DUOX1: variants seen among roughly 807,000 people sequenced by gnomAD.
DUOX1 encodes the protein dual oxidase 1.
Under a neutral mutation model 181.8 loss-of-function variants are expected in DUOX1, and 134 were observed. That is an observed-to-expected ratio of 0.74 (90% CI 0.64 to 0.85). DUOX1 has a LOEUF of 0.85. Among genes scored for constraint, DUOX1 ranks in the 40% least tolerant of loss-of-function variants. The pLI, the probability that DUOX1 is intolerant of heterozygous loss-of-function variation, is 0.00. For synonymous variants in DUOX1, 798 were observed against 832.5 expected, an observed-to-expected ratio of 0.96 and a Z score of 0.71; for missense variants, 1,814 against 2,064.4, an observed-to-expected ratio of 0.88 and a Z score of 2.35.
In DUOX1 at chr15:45,143,322, A is replaced by C. The variant is rs1021717176; in HGVS notation, c.1936+19A>C. 6.2e-7 allele frequency: 1 copy of C among 1,605,962 alleles called. No individual in the cohort carries two copies. The highest frequency in any genetic ancestry group is 1.3e-5 in the African/African-American group (1 of 74,904). ...ATGGAAGGTAGGTCTAGGGCTGGCC[A>C]GGGTGGTGGTAGGGAGGACATGGCT... is the stretch of plus-strand genomic sequence containing the variant. On this transcript the variant is annotated intron_variant, in intron 16 of 33. Transcript: ENST00000389037.
At chr15:45,150,304 T>G in intron 21 of DUOX1, 1 of 275,734 alleles carries the variant, frequency 3.6e-6, no homozygotes. Flanking sequence ...TAAGCCAAAT[T>G]TTTATGGCAG....
Position 45,144,112 on chromosome 15 carries a change from A to G in DUOX1, c.2013A>G (p.Val671=). 6.2e-7 allele frequency: 1 copy of G among 1,614,058 alleles called. No individual in the cohort carries two copies. Among genetic ancestry groups the G allele is most frequent in the Non-Finnish European group, 8.5e-7 (1 of 1,180,044 alleles). The change falls in exon 17 of 34, where the codon GTA becomes GTG. Residue 671 remains valine, a synonymous_variant. Coordinates refer to ENST00000389037, the MANE Select transcript of DUOX1 (RefSeq NM_175940.3). Reference sequence around the variant, plus strand: ...TGCAGCCCGGGCAGATCCGTGTGGTAGATGGCAGGCTCACCGTGCTCCGCA... The same window carrying G: ...TGCAGCCCGGGCAGATCCGTGTGGTGGATGGCAGGCTCACCGTGCTCCGCA... ...VYLQPGQIRV[V]DGRLTVLRTI...
chr15:45,141,523 G>C, intron 14 of DUOX1, 113 bp downstream of exon 14: 1 of 1,197,870 alleles, frequency 8.3e-7, no homozygotes, highest in Non-Finnish European at 1.2e-6. Flanking sequence ...CAAGAGGGGA[G>C]TGAGCTGTGG....
At chr15:45,140,661 T>C in intron 12 of DUOX1, 1 of 446,206 alleles carries the variant, frequency 2.2e-6, no homozygotes, top group Non-Finnish European at 4.0e-6. Flanking sequence ...GGCTGGCTGT[T>C]TTATTACTTT....
intron 29 of DUOX1, among the ~76,000 whole-genome samples, chr15:45,161,442 G>GAAAA (rs1567021695): frequency 1.1e-5 from 1 of 93,500 alleles, no homozygotes; most frequent in African/African-American, 3.5e-5. Context: ...AAAAAAAAAG[G>GAAAA]AAGGAGGGAG....
chr15:45,144,934 G>A lies in DUOX1; in HGVS notation c.2176G>A (p.Val726Met), dbSNP rs201867113. The change falls in exon 18 of 34, where the codon GTG (valine) becomes ATG (methionine). Residue 726 changes from valine to methionine, a missense_variant. Physicochemically the swap from Val to Met is conservative, Grantham distance 21 (BLOSUM62 1). Around this residue, in one of 5 missense-constraint regions of DUOX1, gnomAD observed 1,064 missense variants for 1,152.9 expected, o/e 0.92. Coordinates refer to ENST00000389037, the MANE Select transcript of DUOX1 (RefSeq NM_175940.3). ...CTTGGAGGAAGAGCGGCAGGCGCTG[G>A]TGGAAAATCTCCGGGGAGCTCTGAA... ...FNLEEERQAL[V>M]ENLRGALKES... The A allele has an allele frequency of 1.8e-4, 286 of 1,613,264 alleles. 1 individual carries two copies. In the Admixed American group the frequency reaches 4.7e-3, roughly 26 times the overall value.
chr15:45,159,312 A>G (rs1053839349), intron 28 of DUOX1, among the ~76,000 whole-genome samples: 12 of 152,372 alleles, frequency 7.9e-5, no homozygotes, highest in Admixed American at 6.5e-4. Context: ...GGCAACACCC[A>G]TGACTGGGGG....
rs771324765 is a variant in DUOX1 at position 45,150,614 on chromosome 15, C to A, written c.2819-18C>A. On this transcript the variant is annotated intron_variant, in intron 21 of 33. Transcript: ENST00000389037. The stretch of plus-strand genomic sequence containing the variant: ...CTCTGGACCCTGAGCTGCTCCCTAG[C>A]CTGGCTCTGCTTTGCAGGGGTGGAG... 2 of 1,613,256 alleles carry A rather than the reference C, an allele frequency of 1.2e-6. No individual in the cohort carries two copies. The highest frequency in any genetic ancestry group is 1.7e-5 in the Admixed American group (1 of 60,022).
rs761798255 is a variant in DUOX1, at chr15:45,152,440, C to T, written c.3348C>T (p.Phe1116=). 1.2e-6 allele frequency: 2 copies of T among 1,614,228 alleles called. No homozygotes were observed. The highest frequency in any genetic ancestry group is 3.3e-5 in the Admixed American group (2 of 60,030). Residue 1116 remains phenylalanine, a synonymous_variant, in exon 25 of 34, where the codon TTC becomes TTT. Transcript: ENST00000389037. ...RNLITFLRET[F]LNRYVPFDAA... ...TCATCACCTTCCTGCGAGAAACCTT[C>T]CTCAACCGCTACGTGCCCTTCGACG...
chr15:45,153,215 C>T, intron 25 of DUOX1, 165 bp from the exon 26 acceptor site: 1 of 434,964 alleles, frequency 2.3e-6, no homozygotes, highest in Non-Finnish European at 3.9e-6. Flanking sequence ...AGTGAGACTC[C>T]ATCTAAAAAA....
intron 28 of DUOX1, among the ~76,000 whole-genome samples, chr15:45,159,003 C>T (rs1430996802): frequency 6.6e-6 from 1 of 152,108 alleles, no homozygotes; most frequent in Non-Finnish European, 1.5e-5. Context: ...GGACTTGGGC[C>T]AAGGGTCTGG....
chr15:45,151,209 C>G lies in DUOX1; in HGVS notation c.2975C>G (p.Thr992Arg). 1 of 1,614,194 alleles carries G rather than the reference C, an allele frequency of 6.2e-7. No homozygotes were observed. The stretch of plus-strand genomic sequence containing the variant: ...CAGAGACTGCAGTGCCCCATGGACA[C>G]AGACCCTCCCCAGGAGATTCGGCGG... ...TPQRLQCPMD[T>R]DPPQEIRRRF... The change falls in exon 23 of 34, where the codon ACA becomes AGA. Residue 992 changes from threonine (T) to arginine (R), a missense_variant. By Grantham distance (71) the Thr-to-Arg change is moderately conservative (BLOSUM62 -1). Transcript: ENST00000389037.
intron 4 of DUOX1, among the ~76,000 whole-genome samples, 165 bp from the exon 5 acceptor site, chr15:45,134,939 G>A (rs1003825626): frequency 2.0e-5 from 3 of 152,218 alleles, no homozygotes; most frequent in Non-Finnish European, 2.9e-5. Context: ...AGGGACAGAA[G>A]AGACAAACAA....
chr15:45,152,384 T>G lies in DUOX1; in HGVS notation c.3292T>G (p.Ser1098Ala). 3 of 1,614,184 alleles carry G rather than the reference T, an allele frequency of 1.9e-6. No homozygotes were observed. The highest frequency in any genetic ancestry group is 2.5e-6 in the Non-Finnish European group (3 of 1,180,028). ...AGCAGCCAGCATCTCTTTCATGTTC[T>G]CCTACATCTTGCTCACCATGTGCCG... The part of the protein sequence containing the change: ...GTAASISFMF[S>A]YILLTMCRNL... The change falls in exon 25 of 34, where the codon TCC (serine) becomes GCC (alanine). Residue 1098 changes from serine (S) to alanine (A), a missense_variant. By Grantham distance (99) the Ser-to-Ala change is moderately conservative. Around this residue, in one of 5 missense-constraint regions of DUOX1, gnomAD observed 1,064 missense variants for 1,152.9 expected, o/e 0.92. Transcript: ENST00000389037.
At position 45,138,021 on chromosome 15, in the gene DUOX1, G is replaced by C. The variant is rs1896374930; in HGVS notation, c.1113+7G>C. On this transcript the variant is annotated splice_region_variant and intron_variant, in intron 10 of 33. Transcript: ENST00000389037. ...CAGCTACTGGAGCCGTGAGGTCCGA[G>C]CTGGGGGCCACATATGTGGTGGATG... 1.2e-6 allele frequency: 2 copies of C among 1,602,494 alleles called. No individual in the cohort carries two copies. The highest frequency in any genetic ancestry group is 8.5e-7 in the Non-Finnish European group (1 of 1,173,060).
At position 45,137,652 on chromosome 15, in the gene DUOX1, A is replaced by T. The variant is rs181623886; in HGVS notation, c.1023-272A>T. 5.9e-5 allele frequency among the ~76,000 whole-genome samples: 9 copies of T among 152,292 alleles called. No homozygotes were observed. The East Asian group carries it at 1.7e-3, about 29-fold the overall frequency. On this transcript the variant is annotated intron_variant, in intron 9 of 33. Transcript: ENST00000389037. The stretch of plus-strand genomic sequence containing the variant: ...ATATAACTGTGTATATATATATTTT[A>T]TATGTGTGTGTATATACATATATTG...
In DUOX1 at chr15:45,153,336, C is replaced by T. The variant is rs535877881; in HGVS notation, c.3425-44C>T. ...CTTGGGCTGAATGAGTGAGCACCCA[C>T]CCTGGGCTGCCCCAAGCTCACCACT... On this transcript the variant is annotated intron_variant, in intron 25 of 33. Coordinates refer to ENST00000389037, the MANE Select transcript of DUOX1 (RefSeq NM_175940.3). 1.9e-6 allele frequency: 3 copies of T among 1,562,976 alleles called. No individual in the cohort carries two copies. The East Asian group carries it at 6.7e-5, about 35-fold the overall frequency.
intron 20 of DUOX1, 56 bp downstream of exon 20, chr15:45,148,053 T>C (rs1485135365): frequency 4.0e-6 from 6 of 1,507,280 alleles, no homozygotes; most frequent in East Asian, 2.3e-5. Flanking sequence ...CCAGGGCAAA[T>C]AGATGGGACC....
chr15:45,148,767 T>C (rs1458828627), intron 21 of DUOX1, among the ~76,000 whole-genome samples: 1 of 151,554 alleles, frequency 6.6e-6, no homozygotes, highest in Non-Finnish European at 1.5e-5. Flanking sequence ...GGGTAGGAAA[T>C]GGTGATTGGA....
Sources: allele counts gnomAD v4.1 joint callset (sites outside exome capture counted in the v4.1 genomes callset), GRCh38; gene constraint gnomAD v4.1.1; regional missense constraint gnomAD v4.1.1; transcripts MANE v1.5; gene names NCBI Gene and HGNC (gene_info 2026-07-23, HGNC 2026-07-21).